Variants in HPSE2 observed in about 807,000 individuals in gnomAD.
HPSE2 encodes heparanase 2 (inactive), also known as inactive heparanase-2.
Under a neutral mutation model 60.5 loss-of-function variants are expected in HPSE2, and 38 were observed. The ratio of observed to expected loss-of-function variants is 0.63; its 90% CI spans 0.48 to 0.82. HPSE2 has a LOEUF of 0.82. Ranked by LOEUF, HPSE2 falls within the 40% of genes least tolerant of loss-of-function variation. The probability of loss-of-function intolerance (pLI) is 0.00; values close to 1 mark genes in which losing one functional copy is unlikely to be tolerated. For missense variants in HPSE2, 713 were observed against 740.4 expected (o/e 0.96, Z 0.43); for synonymous variants, 295 against 293.2 (o/e 1.01, Z -0.06).
At chr10:99,098,757 T>G (rs1843816552) in intron 3 of HPSE2, among the ~76,000 whole-genome samples, 1 of 152,182 alleles carries the variant, frequency 6.6e-6, no homozygotes, top group Non-Finnish European at 1.5e-5. Context: ...ATTATTTTAT[T>G]GACATAGACT....
At chr10:98,626,740 A>G (rs1946224785) in intron 7 of HPSE2, among the ~76,000 whole-genome samples, 2 of 152,176 alleles carry the variant, frequency 1.3e-5, no homozygotes, top group Non-Finnish European at 2.9e-5. Context: ...TGGCATGCCC[A>G]ACTCAGAGGG....
chr10:99,129,723 G>C (rs546664712), intron 3 of HPSE2, among the ~76,000 whole-genome samples: 333 of 147,486 alleles, frequency 2.3e-3, no homozygotes, highest in Non-Finnish European at 3.8e-3. Context: ...ATACTTCAAG[G>C]AACTAGAGAA....
At chr10:98,775,319 G>A (rs1184598952) in intron 3 of HPSE2, among the ~76,000 whole-genome samples, 2 of 152,202 alleles carry the variant, frequency 1.3e-5, no homozygotes, top group Non-Finnish European at 2.9e-5. Context: ...ATTGAACCAA[G>A]TAATGATGGA....
chr10:99,072,729 T>A (rs1296713209), intron 3 of HPSE2, among the ~76,000 whole-genome samples: 1 of 151,940 alleles, frequency 6.6e-6, no homozygotes, highest in Non-Finnish European at 1.5e-5. Context: ...ATAGAGATCA[T>A]CCTGGCCAAC....
rs956882630 is a variant in HPSE2, at chr10:98,674,021, C to T, written c.1004+19879G>A. ...TAGGTCCAGATTGGGGCTCAAGAGTCCCCCTTTTTAGAAACTCCCAGGTCA... is the reference window on the plus strand; with the variant it reads ...TAGGTCCAGATTGGGGCTCAAGAGTTCCCCTTTTTAGAAACTCCCAGGTCA... On this transcript the variant is annotated intron_variant, in intron 6 of 11. Transcript: ENST00000370552. Among the ~76,000 whole-genome samples the T allele has an allele frequency of 3.9e-5, 6 of 152,164 alleles. No individual in the cohort carries two copies. In the South Asian group the frequency reaches 1.2e-3, roughly 32 times the overall value.
At chr10:98,638,245 A>G (rs28610195) in intron 7 of HPSE2, among the ~76,000 whole-genome samples, 15,553 of 151,336 alleles carry the variant, frequency 0.1, 1,343 homozygotes, top group East Asian at 0.28. Context: ...GGAGATTAAG[A>G]CCATCCTGGC....
At chr10:98,502,709 T>C (rs1188746502) in intron 9 of HPSE2, among the ~76,000 whole-genome samples, 1 of 152,154 alleles carries the variant, frequency 6.6e-6, no homozygotes, top group African/African-American at 2.4e-5. Context: ...GGGACTTAAT[T>C]AAACTAAAGC....
At chr10:98,560,761 G>C (rs956285092) in intron 9 of HPSE2, among the ~76,000 whole-genome samples, 9 of 152,114 alleles carry the variant, frequency 5.9e-5, no homozygotes, top group African/African-American at 2.2e-4. Flanking sequence ...TAATAGAGCT[G>C]AAAAATTGCT....
intron 6 of HPSE2, among the ~76,000 whole-genome samples, chr10:98,684,129 A>G (rs560552793): frequency 3.9e-5 from 6 of 152,264 alleles, no homozygotes; most frequent in Admixed American, 3.3e-4. Context: ...CTTCACCAAA[A>G]TGAGGGAGTA....
intron 9 of HPSE2, among the ~76,000 whole-genome samples, chr10:98,531,215 A>G (rs978019745): frequency 6.6e-6 from 1 of 152,226 alleles, no homozygotes. Flanking sequence ...AGGTAGGAAC[A>G]ATGGATTCTG....
At chr10:98,928,128 T>A (rs11189874) in intron 3 of HPSE2, among the ~76,000 whole-genome samples, 370 of 137,338 alleles carry the variant, frequency 2.7e-3, no homozygotes, top group Middle Eastern at 0.011. Flanking sequence ...CAATGAACTC[T>A]AACAAATTTA....
Position 98,942,779 on chromosome 10 carries a change from C to T in HPSE2, c.611-198723G>A, listed in dbSNP as rs185820669. Among the ~76,000 whole-genome samples the T allele has an allele frequency of 3.9e-5, 6 of 152,064 alleles. No individual in the cohort carries two copies. In the East Asian group the frequency reaches 1.2e-3, roughly 29 times the overall value. On this transcript the variant is annotated intron_variant, in intron 3 of 11. Transcript: ENST00000370552. ...TCATGCTGCTATAAAGATACATGCA[C>T]ACGTATGTTTATTGCGGCACTATTC...
chr10:98,671,267 C>T (rs1565066696), intron 6 of HPSE2, among the ~76,000 whole-genome samples: 1 of 152,152 alleles, frequency 6.6e-6, no homozygotes, highest in South Asian at 2.1e-4. Flanking sequence ...TGGGGACTTA[C>T]CCCACTGTAA....
intron 3 of HPSE2, among the ~76,000 whole-genome samples, chr10:99,046,831 GA>G (rs1185205789): frequency 1.3e-5 from 2 of 151,908 alleles, no homozygotes; most frequent in African/African-American, 4.8e-5. Context: ...TCAAATAAAT[GA>G]AAAAACATTC....
intron 11 of HPSE2, among the ~76,000 whole-genome samples, chr10:98,480,175 G>T (rs1332193670): frequency 1.3e-5 from 2 of 150,618 alleles, no homozygotes; most frequent in East Asian, 3.9e-4. Context: ...TGCAACCTCT[G>T]CCTCCCAGTG....
At chr10:98,755,411 C>T (rs570086186) in intron 3 of HPSE2, among the ~76,000 whole-genome samples, 74 of 152,184 alleles carry the variant, frequency 4.9e-4, no homozygotes, top group African/African-American at 1.6e-3. Context: ...TAGATACCCA[C>T]ACAATAATAA....
At chr10:99,170,987 C>G (rs1176084754) in intron 2 of HPSE2, among the ~76,000 whole-genome samples, 1 of 152,128 alleles carries the variant, frequency 6.6e-6, no homozygotes, top group African/African-American at 2.4e-5. Flanking sequence ...TTGAAGTATA[C>G]AGGAGGATAT....
At chr10:98,465,161 A>G (rs1345475195) in intron 11 of HPSE2, among the ~76,000 whole-genome samples, 1 of 152,236 alleles carries the variant, frequency 6.6e-6, no homozygotes, top group Non-Finnish European at 1.5e-5. Context: ...CATGCTAAAT[A>G]TAACAATAAT....
chr10:99,202,207 C>T (rs1848598062), intron 2 of HPSE2, among the ~76,000 whole-genome samples: 1 of 152,130 alleles, frequency 6.6e-6, no homozygotes, highest in African/African-American at 2.4e-5. Flanking sequence ...CCATGATATA[C>T]TCAAGAGCAG....
Sources: allele counts gnomAD v4.1 joint callset (sites outside exome capture counted in the v4.1 genomes callset), GRCh38; gene constraint gnomAD v4.1.1; transcripts MANE v1.5; gene names NCBI Gene and HGNC (gene_info 2026-07-23, HGNC 2026-07-21).